FAM227B: variants seen among roughly 807,000 people sequenced by gnomAD.
FAM227B encodes the protein protein FAM227B.
A neutral mutation model predicts 73.8 loss-of-function variants in FAM227B; 88 were observed. The ratio of observed to expected loss-of-function variants is 1.19; its 90% CI spans 1.00 to 1.42. FAM227B has a LOEUF of 1.42. Among genes scored for constraint, FAM227B ranks in the 40% most tolerant of loss-of-function variants. FAM227B has a pLI of 0.00. For synonymous variants in FAM227B, 210 were observed against 190.5 expected, an observed-to-expected ratio of 1.10 and a Z score of -0.84; for missense variants, 632 against 590.9, an observed-to-expected ratio of 1.07 and a Z score of -0.72.
intron 11 of FAM227B, among the ~76,000 whole-genome samples, chr15:49,382,949 G>T (rs1443767136): frequency 6.6e-6 from 1 of 152,072 alleles, no homozygotes; most frequent in African/African-American, 2.4e-5. Context: ...CAGAAGCAAG[G>T]TTTAAGTTCT....
intron 11 of FAM227B, among the ~76,000 whole-genome samples, chr15:49,479,604 T>G (rs2055714988): frequency 1.5e-5 from 1 of 68,380 alleles, no homozygotes; most frequent in South Asian, 5.0e-4. Flanking sequence ...CCTCTGTTTT[T>G]TTTTTTTTTT....
intron 11 of FAM227B, among the ~76,000 whole-genome samples, chr15:49,393,103 C>A (rs1420224896): frequency 6.6e-6 from 1 of 152,060 alleles, no homozygotes; most frequent in Non-Finnish European, 1.5e-5. Flanking sequence ...ACATTTAAAA[C>A]CTTGAAATAA....
At chr15:49,527,436 A>C (rs1358532377) in intron 10 of FAM227B, among the ~76,000 whole-genome samples, 1 of 151,978 alleles carries the variant, frequency 6.6e-6, no homozygotes, top group East Asian at 1.9e-4. Context: ...AACATTCCCC[A>C]TGAGAACCAA....
At chr15:49,406,418 T>C (rs1367120217) in intron 11 of FAM227B, among the ~76,000 whole-genome samples, 1 of 152,030 alleles carries the variant, frequency 6.6e-6, no homozygotes, top group Admixed American at 6.5e-5. Context: ...GCACTGTTGA[T>C]AGTGTTGGCA....
intron 13 of FAM227B, among the ~76,000 whole-genome samples, chr15:49,361,837 G>A (rs907335312): frequency 1.3e-5 from 2 of 152,084 alleles, no homozygotes; most frequent in Non-Finnish European, 2.9e-5. Context: ...TTTCCACAAC[G>A]GTTGAACTAA....
chr15:49,465,262 TG>T (rs2054162392), intron 11 of FAM227B, among the ~76,000 whole-genome samples: 1 of 151,654 alleles, frequency 6.6e-6, no homozygotes, highest in South Asian at 2.1e-4. Flanking sequence ...CCCAAGTAGG[TG>T]GGATTACAGG....
At chr15:49,388,535 G>A (rs755658932) in intron 11 of FAM227B, among the ~76,000 whole-genome samples, 1 of 151,812 alleles carries the variant, frequency 6.6e-6, no homozygotes, top group African/African-American at 2.4e-5. Flanking sequence ...ACAAATTCTA[G>A]AAGACAACGT....
intron 15 of FAM227B, chr15:49,329,244 T>C: frequency 1.0e-6 from 1 of 985,604 alleles, no homozygotes; most frequent in Non-Finnish European, 1.2e-6. Flanking sequence ...TGTATGTATA[T>C]CAAGAGTGGG....
At chr15:49,371,589 A>C (rs1346855101) in intron 11 of FAM227B, among the ~76,000 whole-genome samples, 190 bp from the exon 12 acceptor site, 1 of 151,880 alleles carries the variant, frequency 6.6e-6, no homozygotes, top group African/African-American at 2.4e-5. Context: ...TTTACTCAAT[A>C]GGGCTTTATT....
intron 11 of FAM227B, among the ~76,000 whole-genome samples, chr15:49,388,535 G>C (rs755658932): frequency 3.6e-4 from 54 of 151,812 alleles, no homozygotes; most frequent in Non-Finnish European, 1.2e-4. Flanking sequence ...ACAAATTCTA[G>C]AAGACAACGT....
chr15:49,396,844 T>A (rs1037933750), intron 11 of FAM227B, among the ~76,000 whole-genome samples: 6 of 152,104 alleles, frequency 3.9e-5, no homozygotes, highest in East Asian at 1.9e-4. Context: ...AAAACCCATC[T>A]GTACATCACC....
intron 9 of FAM227B, among the ~76,000 whole-genome samples, chr15:49,551,147 C>T (rs1056429301): frequency 6.6e-5 from 10 of 152,178 alleles, no homozygotes; most frequent in Admixed American, 4.6e-4. Flanking sequence ...TCAGGCGTGG[C>T]GTCACGCGCC....
intron 11 of FAM227B, among the ~76,000 whole-genome samples, chr15:49,414,840 G>A (rs1265745253): frequency 2.0e-5 from 3 of 152,078 alleles, no homozygotes; most frequent in East Asian, 3.8e-4. Context: ...AAAAACTATC[G>A]AGGGAAAAAT....
chr15:49,587,744 T>C (rs2076256045), intron 5 of FAM227B, among the ~76,000 whole-genome samples: 1 of 152,060 alleles, frequency 6.6e-6, no homozygotes, highest in Admixed American at 6.6e-5. Context: ...ACTAAGTATG[T>C]TATAAATTAT....
At chr15:49,355,876 A>T (rs2043070826) in intron 13 of FAM227B, among the ~76,000 whole-genome samples, 1 of 152,208 alleles carries the variant, frequency 6.6e-6, no homozygotes, top group Admixed American at 6.5e-5. Context: ...AGCCCATCAG[A>T]CTAACAGTGG....
chr15:49,339,632 C>G (rs924305119), intron 13 of FAM227B, among the ~76,000 whole-genome samples: 2 of 152,180 alleles, frequency 1.3e-5, no homozygotes, highest in African/African-American at 4.8e-5. Flanking sequence ...TAGGCTGTCC[C>G]TTATCAGAGC....
chr15:49,603,743 G>A (rs2077346995), intron 3 of FAM227B, among the ~76,000 whole-genome samples: 1 of 152,172 alleles, frequency 6.6e-6, no homozygotes, highest in Non-Finnish European at 1.5e-5. Flanking sequence ...GATCTTACAG[G>A]AAAGGCATTC....
At chr15:49,496,854 T>C (rs1173797205) in intron 11 of FAM227B, among the ~76,000 whole-genome samples, 2 of 152,152 alleles carry the variant, frequency 1.3e-5, no homozygotes, top group Non-Finnish European at 2.9e-5. Context: ...CATATACTAA[T>C]GTTTTACCCT....
At chr15:49,543,025 G>A (rs1461949211) in intron 9 of FAM227B, among the ~76,000 whole-genome samples, 1 of 152,134 alleles carries the variant, frequency 6.6e-6, no homozygotes, top group Admixed American at 6.6e-5. Flanking sequence ...TAGATACCCA[G>A]TAGTGGGATT....
Sources: allele counts gnomAD v4.1 joint callset (sites outside exome capture counted in the v4.1 genomes callset), GRCh38; gene constraint gnomAD v4.1.1; transcripts MANE v1.5; gene names NCBI Gene and HGNC (gene_info 2026-07-23, HGNC 2026-07-21).